Variants in PARD3 observed in about 807,000 individuals in gnomAD.
PARD3 encodes partitioning defective 3 homolog.
Under a neutral mutation model 155.4 loss-of-function variants are expected in PARD3, and 75 were observed. The ratio of observed to expected loss-of-function variants is 0.48; its 90% CI spans 0.40 to 0.58. The LOEUF is 0.58. Among genes scored for constraint, PARD3 ranks in the 20% least tolerant of loss-of-function variants. The pLI is 0.00. For missense variants in PARD3, 1,642 were observed against 1,721.7 expected (o/e 0.95, Z 0.82); for synonymous variants, 576 against 610.5 (o/e 0.94, Z 0.83).
intron 22 of PARD3, among the ~76,000 whole-genome samples, chr10:34,220,920 G>A (rs1952247549): frequency 6.6e-6 from 1 of 152,202 alleles, no homozygotes; most frequent in Non-Finnish European, 1.5e-5. Context: ...GCTATTGAAT[G>A]TGAGGAAAGG....
intron 1 of PARD3, 69 bp downstream of exon 1, chr10:34,814,807 A>C (rs993881349): frequency 1.2e-5 from 15 of 1,253,110 alleles, no homozygotes; most frequent in Non-Finnish European, 1.6e-5. Context: ...CCCTTCCAGG[A>C]AGCGCCATAT....
At chr10:34,275,452 A>G (rs1256892350) in intron 21 of PARD3, among the ~76,000 whole-genome samples, 1 of 152,218 alleles carries the variant, frequency 6.6e-6, no homozygotes, top group African/African-American at 2.4e-5. Context: ...GGCTTGCTGT[A>G]CAAATAGCAC....
intron 5 of PARD3, among the ~76,000 whole-genome samples, chr10:34,429,744 C>T (rs1439800048): frequency 6.6e-6 from 1 of 152,128 alleles, no homozygotes; most frequent in Non-Finnish European, 1.5e-5. Flanking sequence ...CATCAACATG[C>T]CCAGCTAATT....
At chr10:34,330,762 T>C (rs2134228931) in intron 19 of PARD3, among the ~76,000 whole-genome samples, 1 of 152,296 alleles carries the variant, frequency 6.6e-6, no homozygotes, top group South Asian at 2.1e-4. Flanking sequence ...TTACATTTTT[T>C]ACCAAAAAAT....
intron 7 of PARD3, among the ~76,000 whole-genome samples, chr10:34,391,183 A>T (rs930030889): frequency 6.6e-6 from 1 of 152,080 alleles, no homozygotes; most frequent in Non-Finnish European, 1.5e-5. Flanking sequence ...GACCTTCTAT[A>T]ACCTCATTTT....
intron 22 of PARD3, among the ~76,000 whole-genome samples, chr10:34,136,418 A>T (rs1947900398): frequency 6.6e-6 from 1 of 152,220 alleles, no homozygotes; most frequent in Admixed American, 6.5e-5. Flanking sequence ...TTGCATTTTT[A>T]ATTATGCAAA....
At chr10:34,665,898 A>AACAGAACAGAACAGC (rs2093454186) in intron 2 of PARD3, among the ~76,000 whole-genome samples, 1 of 150,474 alleles carries the variant, frequency 6.6e-6, no homozygotes, top group African/African-American at 2.5e-5. Context: ...AACAGAACAG[A>AACAGAACAGAACAGC]ACAGAACAAA....
chr10:34,773,433 G>A (rs921283035), intron 1 of PARD3, among the ~76,000 whole-genome samples: 4 of 152,138 alleles, frequency 2.6e-5, no homozygotes, highest in Non-Finnish European at 4.4e-5. Flanking sequence ...AATAATGTGG[G>A]ACTGAATATC....
chr10:34,711,955 C>T (rs2094455135), intron 1 of PARD3, among the ~76,000 whole-genome samples: 1 of 152,176 alleles, frequency 6.6e-6, no homozygotes, highest in African/African-American at 2.4e-5. Context: ...AGACACTCTT[C>T]CCTTGCAATG....
chr10:34,716,580 CTTTTCTTTT>C (rs1176054506), intron 1 of PARD3, among the ~76,000 whole-genome samples: 1 of 109,440 alleles, frequency 9.1e-6, no homozygotes, highest in Non-Finnish European at 1.8e-5. Context: ...CCCAGGATGG[CTTTTCTTTT>C]TTTTTTTTTT....
At chr10:34,718,754 G>A (rs892179501) in intron 1 of PARD3, among the ~76,000 whole-genome samples, 4 of 152,210 alleles carry the variant, frequency 2.6e-5, no homozygotes, top group African/African-American at 9.6e-5. Flanking sequence ...CCTGAGGTCA[G>A]GAGTTCGAGA....
intron 17 of PARD3, among the ~76,000 whole-genome samples, chr10:34,336,858 A>G (rs1836245559): frequency 6.6e-6 from 1 of 152,156 alleles, no homozygotes; most frequent in African/African-American, 2.4e-5. Context: ...TGAAGTAACC[A>G]AATTCTAGAC....
intron 22 of PARD3, among the ~76,000 whole-genome samples, chr10:34,134,718 C>A (rs1564421021): frequency 1.3e-5 from 2 of 152,182 alleles, no homozygotes; most frequent in African/African-American, 4.8e-5. Flanking sequence ...CACTTAATGG[C>A]TGAAGTTGGA....
Position 34,517,162 on chromosome 10 carries a change from A to T in PARD3, c.223-3T>A. 1 of 1,612,172 alleles carries T rather than the reference A, an allele frequency of 6.2e-7. No homozygotes were observed. Among genetic ancestry groups the T allele is most frequent in the Non-Finnish European group, 8.5e-7 (1 of 1,179,162 alleles). ...TGCTCATCAAACACTGCTACCAGCT[A>T]GAAATGAAAGGTAAATGTGCACTTA... is the stretch of plus-strand genomic sequence containing the variant. On this transcript the variant is annotated splice_region_variant and splice_polypyrimidine_tract_variant and intron_variant, in intron 2 of 24. Coordinates refer to ENST00000374788, the MANE Select transcript of PARD3 (RefSeq NM_001184785.2).
chr10:34,602,234 T>A (rs2089848929), intron 2 of PARD3, among the ~76,000 whole-genome samples: 1 of 152,180 alleles, frequency 6.6e-6, no homozygotes, highest in South Asian at 2.1e-4. Context: ...TGTTTACACT[T>A]TTCACTTTTC....
chr10:34,624,964 C>T (rs1316962284), intron 2 of PARD3, among the ~76,000 whole-genome samples: 1 of 152,176 alleles, frequency 6.6e-6, no homozygotes. Flanking sequence ...CAGCTCTGAG[C>T]CCTGGGCTGC....
At chr10:34,257,703 A>T (rs1338490964) in intron 22 of PARD3, among the ~76,000 whole-genome samples, 5 of 152,214 alleles carry the variant, frequency 3.3e-5, no homozygotes, top group Admixed American at 2.0e-4. Flanking sequence ...AACTTCCTCT[A>T]AGGCTAAAAT....
At chr10:34,139,567 T>C (rs1032588932) in intron 22 of PARD3, among the ~76,000 whole-genome samples, 2 of 152,206 alleles carry the variant, frequency 1.3e-5, no homozygotes, top group Non-Finnish European at 2.9e-5. Flanking sequence ...AGCTATTTCA[T>C]GGATGTCATT....
intron 5 of PARD3, among the ~76,000 whole-genome samples, chr10:34,410,299 G>GTT (rs953199656): frequency 6.8e-6 from 1 of 146,370 alleles, no homozygotes; most frequent in African/African-American, 2.5e-5. Context: ...TTTACTTTCA[G>GTT]TTTTTTTTTT....
Sources: gnomAD v4.1 joint callset for allele counts (sites outside exome capture counted in the v4.1 genomes callset) on GRCh38, gnomAD v4.1.1 for gene constraint, MANE v1.5 for transcripts, NCBI Gene and HGNC (gene_info 2026-07-23, HGNC 2026-07-21) for gene names.